Variants in ITPR2 observed in about 807,000 individuals in gnomAD.
The protein encoded by ITPR2 is inositol 1,4,5-trisphosphate-gated calcium channel ITPR2.
ITPR2 carries 207 observed loss-of-function variants against 317.1 expected under a neutral mutation model. That is an observed-to-expected ratio of 0.65 (90% CI 0.58 to 0.73). The LOEUF (loss-of-function observed/expected upper bound fraction) is 0.73, where lower values mean the gene tolerates loss of function less well. ITPR2 is among the 30% of genes least tolerant of loss of function. The pLI, the probability that ITPR2 is intolerant of heterozygous loss-of-function variation, is 0.00. For synonymous variants in ITPR2, 1,156 were observed against 1,149.1 expected (o/e 1.01, Z -0.12); for missense variants, 2,613 against 3,284.0 (o/e 0.80, Z 4.99).
intron 45 of ITPR2, among the ~76,000 whole-genome samples, chr12:26,459,685 C>A (rs1256902233): frequency 6.6e-6 from 1 of 152,194 alleles, no homozygotes; most frequent in Non-Finnish European, 1.5e-5. Flanking sequence ...TTTGCCATTT[C>A]TCAGGATTCA....
At chr12:26,813,370 A>T (rs1240756000) in intron 1 of ITPR2, among the ~76,000 whole-genome samples, 3 of 152,240 alleles carry the variant, frequency 2.0e-5, no homozygotes, top group Admixed American at 6.5e-5. Flanking sequence ...TTATTCATAG[A>T]CACAAGATAA....
intron 2 of ITPR2, among the ~76,000 whole-genome samples, chr12:26,732,145 A>AAC (rs1371325390): frequency 6.6e-6 from 1 of 152,174 alleles, no homozygotes; most frequent in Non-Finnish European, 1.5e-5. Flanking sequence ...AATTAATCAC[A>AAC]ACACATGGGT....
At chr12:26,525,010 G>A (rs926812698) in intron 37 of ITPR2, among the ~76,000 whole-genome samples, 1 of 152,176 alleles carries the variant, frequency 6.6e-6, no homozygotes, top group Non-Finnish European at 1.5e-5. Flanking sequence ...AACTAAACCT[G>A]AGAAACACTG....
intron 46 of ITPR2, among the ~76,000 whole-genome samples, chr12:26,441,453 C>T (rs1941486590): frequency 6.6e-6 from 1 of 152,136 alleles, no homozygotes; most frequent in African/African-American, 2.4e-5. Flanking sequence ...GGAGAAGTGA[C>T]ATATATGAAG....
intron 45 of ITPR2, 35 bp downstream of exon 45, chr12:26,475,261 T>G: frequency 6.2e-7 from 1 of 1,611,490 alleles, no homozygotes; most frequent in Non-Finnish European, 8.5e-7. Context: ...ATTGATAGGA[T>G]GAGCAAAATA....
intron 20 of ITPR2, 74 bp from the exon 21 acceptor site, chr12:26,654,200 T>C (rs1947325363): frequency 9.9e-6 from 12 of 1,207,286 alleles, no homozygotes; most frequent in South Asian, 2.8e-5. Flanking sequence ...GAAATAAACA[T>C]TGGCTTTTTT....
At position 26,802,942 on chromosome 12, in the gene ITPR2, T is replaced by G. The variant is rs962672111; in HGVS notation, c.93-12715A>C. On this transcript the variant is annotated intron_variant, in intron 1 of 56. Transcript: ENST00000381340. ...CCTGTAATCAACAAGCCTGATCTAA[T>G]AGACATACATAAAATAGAAAATATA... 2.0e-5 allele frequency among the ~76,000 whole-genome samples: 3 copies of G among 152,152 alleles called. No homozygotes were observed. The East Asian group carries it at 5.8e-4, about 29-fold the overall frequency.
chr12:26,758,163 C>T (rs1001473558), intron 2 of ITPR2, among the ~76,000 whole-genome samples: 2 of 152,132 alleles, frequency 1.3e-5, no homozygotes, highest in Non-Finnish European at 2.9e-5. Context: ...TTTCTCTTAC[C>T]TTTCTCACTC....
intron 49 of ITPR2, among the ~76,000 whole-genome samples, chr12:26,427,614 TG>T (rs1459446565): frequency 6.6e-6 from 1 of 152,208 alleles, no homozygotes. Flanking sequence ...CAGTCATTTT[TG>T]TCAATAGCTG....
chr12:26,381,615 G>A (rs1939512156), intron 55 of ITPR2, among the ~76,000 whole-genome samples: 1 of 152,202 alleles, frequency 6.6e-6, no homozygotes, highest in African/African-American at 2.4e-5. Context: ...CAATTATTAT[G>A]TTAACAAAAA....
chr12:26,644,887 C>T (rs992057370), intron 21 of ITPR2, among the ~76,000 whole-genome samples: 6 of 152,136 alleles, frequency 3.9e-5, no homozygotes, highest in Admixed American at 2.0e-4. Flanking sequence ...ATTTTTGTTA[C>T]AGTAGCCCAG....
At chr12:26,616,844 C>T (rs961843605) in intron 26 of ITPR2, among the ~76,000 whole-genome samples, 3 of 152,176 alleles carry the variant, frequency 2.0e-5, no homozygotes, top group African/African-American at 7.2e-5. Flanking sequence ...CCTGAATCTA[C>T]TCAACATGAA....
chr12:26,617,450 T>C (rs1369573536), intron 26 of ITPR2, among the ~76,000 whole-genome samples: 1 of 152,116 alleles, frequency 6.6e-6, no homozygotes, highest in Non-Finnish European at 1.5e-5. Flanking sequence ...AAATATCATG[T>C]CCAGACAGTT....
At chr12:26,674,136 A>T (rs1947854828) in intron 13 of ITPR2, among the ~76,000 whole-genome samples, 1 of 145,218 alleles carries the variant, frequency 6.9e-6, no homozygotes, top group African/African-American at 2.5e-5. Flanking sequence ...TAATTTATAG[A>T]TTCAATGCCA....
chr12:26,543,064 C>G (rs1253003082), intron 37 of ITPR2, among the ~76,000 whole-genome samples: 1 of 151,994 alleles, frequency 6.6e-6, no homozygotes, highest in Non-Finnish European at 1.5e-5. Context: ...ACTTGTAATG[C>G]TCTATAAATC....
At chr12:26,640,452 T>C (rs570830829) in intron 21 of ITPR2, among the ~76,000 whole-genome samples, 4 of 152,324 alleles carry the variant, frequency 2.6e-5, no homozygotes, top group African/African-American at 7.2e-5. Context: ...GTATAAAGCA[T>C]ATAATTTACA....
chr12:26,403,199 G>A (rs991395310), intron 52 of ITPR2, among the ~76,000 whole-genome samples: 10 of 152,140 alleles, frequency 6.6e-5, no homozygotes, highest in South Asian at 4.1e-4. Context: ...AAAAGCATGC[G>A]GGGTGTTTTG....
chr12:26,468,187 A>G (rs1246055031), intron 45 of ITPR2, among the ~76,000 whole-genome samples: 1 of 151,466 alleles, frequency 6.6e-6, no homozygotes, highest in African/African-American at 2.4e-5. Context: ...TTTGGATCTT[A>G]AGGGTATGAA....
At chr12:26,416,421 T>C (rs1010131634) in intron 50 of ITPR2, among the ~76,000 whole-genome samples, 2 of 152,166 alleles carry the variant, frequency 1.3e-5, no homozygotes, top group Non-Finnish European at 2.9e-5. Flanking sequence ...ATTTTTAAAA[T>C]TGGAATAATT....
Sources: gnomAD v4.1 joint callset for allele counts (sites outside exome capture counted in the v4.1 genomes callset) on GRCh38, gnomAD v4.1.1 for gene constraint, MANE v1.5 for transcripts, NCBI Gene and HGNC (gene_info 2026-07-23, HGNC 2026-07-21) for gene names.